OTOA: variants seen among roughly 807,000 people sequenced by gnomAD.
OTOA encodes cancer/testis antigen 108.
In OTOA, 70 loss-of-function variants were observed where a neutral mutation model predicts 110.8. The observed-to-expected ratio is 0.63, with a 90% confidence interval of 0.52 to 0.77. The LOEUF (loss-of-function observed/expected upper bound fraction) is 0.77. Among genes scored for constraint, OTOA ranks in the 30% least tolerant of loss-of-function variants. The probability of loss-of-function intolerance (pLI) is 0.00; values close to 1 mark genes in which losing one functional copy is unlikely to be tolerated. For missense variants in OTOA, 917 were observed against 1,075.8 expected (o/e 0.85, Z 2.06); for synonymous variants, 373 against 431.5 (o/e 0.86, Z 1.68).
At chr16:21,717,701 A>G (rs557034422) in intron 15 of OTOA, among the ~76,000 whole-genome samples, 2 of 152,090 alleles carry the variant, frequency 1.3e-5, no homozygotes, top group Non-Finnish European at 2.9e-5. Context: ...CTGCCTTAGT[A>G]CCATCGTTGA....
At chr16:21,666,619 A>G (rs1966840627) in intron 1 of OTOA, among the ~76,000 whole-genome samples, 1 of 152,120 alleles carries the variant, frequency 6.6e-6, no homozygotes, top group South Asian at 2.1e-4. Flanking sequence ...TCTTCATTTC[A>G]GGTTTGTGGT....
intron 9 of OTOA, among the ~76,000 whole-genome samples, chr16:21,695,891 A>ATATATATATATATATATATTTTTTTT (rs569493650): frequency 4.8e-5 from 2 of 41,904 alleles, no homozygotes; most frequent in African/African-American, 2.9e-4. Context: ...ATATATATAT[A>ATATATATATATATATATATTTTTTTT]TTTTTTTTTT....
chr16:21,678,531 C>G lies in OTOA; in HGVS notation c.17C>G (p.Thr6Arg). MSQEP[T>R]TYSLFLFLFL... ...TACAGGAGAATGTCTCAGGAACCTA[C>G]GACATACTCCCTTTTCCTATTCCTT... Residue 6 changes from threonine to arginine, a missense_variant, in exon 2 of 29, where the codon ACG becomes AGG. This residue lies in a region of OTOA where 840 missense variants were observed against 910.2 expected (regional missense o/e 0.92). Coordinates refer to ENST00000646100, the MANE Select transcript of OTOA (RefSeq NM_144672.4). The G allele has an allele frequency of 1.2e-6, 2 of 1,613,288 alleles. No individual in the cohort carries two copies. Among genetic ancestry groups the G allele is most frequent in the Non-Finnish European group, 1.7e-6 (2 of 1,179,660 alleles).
chr16:21,718,528 G>C (rs1898626542), intron 15 of OTOA, among the ~76,000 whole-genome samples: 2 of 152,092 alleles, frequency 1.3e-5, no homozygotes, highest in Admixed American at 1.3e-4. Flanking sequence ...TTCTGTCTGG[G>C]GAATGATACT....
At chr16:21,722,628 C>T (rs1452934171) in intron 17 of OTOA, among the ~76,000 whole-genome samples, 2 of 152,004 alleles carry the variant, frequency 1.3e-5, no homozygotes, top group African/African-American at 4.8e-5. Context: ...TTAACCAATC[C>T]CCTGCTGAGG....
At chr16:21,712,701 T>C (rs904779241) in intron 13 of OTOA, among the ~76,000 whole-genome samples, 4 of 149,160 alleles carry the variant, frequency 2.7e-5, no homozygotes, top group Non-Finnish European at 5.9e-5. Context: ...AAAAATTAGC[T>C]GGGCATGGTG....
chr16:21,714,010 A>G (rs1455148576), intron 13 of OTOA, among the ~76,000 whole-genome samples: 1 of 152,162 alleles, frequency 6.6e-6, no homozygotes, highest in East Asian at 1.9e-4. Context: ...ACTTTTACTC[A>G]GAAGGCAAGA....
chr16:21,721,692 CA>C (rs2089239990), intron 17 of OTOA, among the ~76,000 whole-genome samples: 1 of 151,930 alleles, frequency 6.6e-6, no homozygotes, highest in African/African-American at 2.4e-5. Context: ...ACTTTGAAAC[CA>C]ACCTGGGAAA....
At chr16:21,695,884 TATA>T (rs1897924317) in intron 9 of OTOA, among the ~76,000 whole-genome samples, 2 of 54,658 alleles carry the variant, frequency 3.7e-5, no homozygotes, top group African/African-American at 9.3e-5. Flanking sequence ...TATATATATA[TATA>T]TATATTTTTT....
chr16:21,677,145 C>A (rs1302667882), intron 1 of OTOA, among the ~76,000 whole-genome samples: 1 of 152,140 alleles, frequency 6.6e-6, no homozygotes, highest in Admixed American at 6.5e-5. Flanking sequence ...TATCTGGCTA[C>A]TATGAATGAA....
intron 20 of OTOA, 92 bp downstream of exon 20, chr16:21,728,523 C>G (rs1204396597): frequency 9.1e-6 from 13 of 1,429,776 alleles, no homozygotes; most frequent in Non-Finnish European, 9.6e-7. Context: ...AACAGAGTCT[C>G]TGGCTTAGGA....
In OTOA at chr16:21,734,653, G is replaced by A. The variant is rs535069421; in HGVS notation, c.2302-1608G>A. Reference sequence around the variant, plus strand: ...AGATTGAGACCGTCCTGGCTAAGAGGGTGAAACCCCGTCTCTACTAAAAAA... The same window carrying A: ...AGATTGAGACCGTCCTGGCTAAGAGAGTGAAACCCCGTCTCTACTAAAAAA... On this transcript the variant is annotated intron_variant, in intron 21 of 28. Coordinates refer to ENST00000646100, the MANE Select transcript of OTOA (RefSeq NM_144672.4). Among the ~76,000 whole-genome samples, 5 of 151,634 alleles carry A rather than the reference G, an allele frequency of 3.3e-5. No homozygotes were observed. The South Asian group carries it at 1.0e-3, about 32-fold the overall frequency.
At chr16:21,724,550 C>T (rs1898855178) in intron 18 of OTOA, among the ~76,000 whole-genome samples, 1 of 152,026 alleles carries the variant, frequency 6.6e-6, no homozygotes, top group African/African-American at 2.4e-5. Flanking sequence ...TCAGAAAGAT[C>T]ATAGCCACTA....
At chr16:21,689,491 G>A (rs920593289) in intron 8 of OTOA, among the ~76,000 whole-genome samples, 3 of 152,096 alleles carry the variant, frequency 2.0e-5, no homozygotes, top group Non-Finnish European at 4.4e-5. Flanking sequence ...TAAGCAGTAA[G>A]CCCAAGTGGC....
chr16:21,677,513 G>T (rs1006756173), intron 1 of OTOA, among the ~76,000 whole-genome samples: 9 of 115,436 alleles, frequency 7.8e-5, no homozygotes, highest in African/African-American at 3.2e-4. Context: ...ACGGAGTCTT[G>T]CTCTGTCGCC....
chr16:21,705,762 G>T (rs111617022), intron 12 of OTOA, among the ~76,000 whole-genome samples: 6,929 of 152,210 alleles, frequency 0.046, 198 homozygotes, highest in Middle Eastern at 0.14. Context: ...TGGCCAACAT[G>T]GTAAAACCCT....
At chr16:21,708,813 T>C (rs893294308) in intron 12 of OTOA, among the ~76,000 whole-genome samples, 18 of 152,240 alleles carry the variant, frequency 1.2e-4, no homozygotes, top group African/African-American at 4.3e-4. Flanking sequence ...TCTTGTTTTT[T>C]GTTACAGAGC....
intron 1 of OTOA, among the ~76,000 whole-genome samples, chr16:21,673,356 A>G (rs1045627053): frequency 1.3e-5 from 2 of 152,106 alleles, no homozygotes; most frequent in African/African-American, 2.4e-5. Flanking sequence ...TATATTTTAT[A>G]TCGTTTTCTT....
chr16:21,683,445 C>A (rs941251467), intron 6 of OTOA, among the ~76,000 whole-genome samples: 2 of 152,124 alleles, frequency 1.3e-5, no homozygotes, highest in African/African-American at 4.8e-5. Flanking sequence ...GTAATCCCAG[C>A]ACTTTGAGAG....
Sources: allele counts gnomAD v4.1 joint callset (sites outside exome capture counted in the v4.1 genomes callset), GRCh38; gene constraint gnomAD v4.1.1; regional missense constraint gnomAD v4.1.1; transcripts MANE v1.5; gene names NCBI Gene and HGNC (gene_info 2026-07-23, HGNC 2026-07-21).